NWD2: variants seen among roughly 807,000 people sequenced by gnomAD.
NWD2 encodes NACHT and WD repeat domain-containing protein 2.
NWD2 carries 37 observed loss-of-function variants against 132.7 expected under a neutral mutation model. The observed-to-expected ratio is 0.28, with a 90% CI of 0.21 to 0.37. The LOEUF (loss-of-function observed/expected upper bound fraction) is 0.37. NWD2 is among the 10% of genes least tolerant of loss of function. The pLI, the probability that NWD2 is intolerant of heterozygous loss-of-function variation, is 1.00. For missense variants in NWD2, 1,592 were observed against 2,122.4 expected (o/e 0.75, Z 4.91); for synonymous variants, 705 against 803.0 (o/e 0.88, Z 2.06).
At chr4:37,405,074 T>C (rs1720969884) in intron 3 of NWD2, among the ~76,000 whole-genome samples, 1 of 152,204 alleles carries the variant, frequency 6.6e-6, no homozygotes, top group Non-Finnish European at 1.5e-5. Context: ...CGTACCTTCC[T>C]CTTCACTGAA....
intron 2 of NWD2, among the ~76,000 whole-genome samples, chr4:37,338,505 A>C (rs1302121293): frequency 6.6e-6 from 1 of 152,248 alleles, no homozygotes; most frequent in Admixed American, 6.5e-5. Context: ...CTCTGGTTTA[A>C]ATGGAATAGA....
At chr4:37,412,024 TATC>T (rs1251011950) in intron 3 of NWD2, among the ~76,000 whole-genome samples, 1 of 152,268 alleles carries the variant, frequency 6.6e-6, no homozygotes, top group East Asian at 1.9e-4. Flanking sequence ...CCACAGCCAA[TATC>T]ATACTGAATG....
chr4:37,422,499 A>G (rs1008431400), intron 3 of NWD2, among the ~76,000 whole-genome samples: 13 of 151,888 alleles, frequency 8.6e-5, no homozygotes, highest in Admixed American at 7.9e-4. Flanking sequence ...TCTAGCCTCT[A>G]TTTGTCTTTC....
intron 1 of NWD2, among the ~76,000 whole-genome samples, chr4:37,280,771 G>A (rs1314608763): frequency 3.3e-5 from 5 of 152,118 alleles, no homozygotes; most frequent in Non-Finnish European, 7.4e-5. Flanking sequence ...AATTGTTACC[G>A]CCCCAGGTCC....
chr4:37,333,188 A>G (rs975179114), intron 2 of NWD2, among the ~76,000 whole-genome samples: 3 of 152,202 alleles, frequency 2.0e-5, no homozygotes, highest in African/African-American at 7.2e-5. Context: ...GGAAGGACAC[A>G]AACCTGGCTG....
intron 1 of NWD2, among the ~76,000 whole-genome samples, chr4:37,295,846 G>C (rs1718479078): frequency 2.6e-5 from 4 of 152,176 alleles, no homozygotes; most frequent in Admixed American, 2.6e-4. Flanking sequence ...CACGCTGAAA[G>C]TATATTTCCT....
intron 1 of NWD2, among the ~76,000 whole-genome samples, chr4:37,310,300 A>G (rs971074942): frequency 5.3e-5 from 8 of 152,238 alleles, no homozygotes; most frequent in Non-Finnish European, 8.8e-5. Context: ...ATAGATTTTT[A>G]AATATTTGAT....
intron 2 of NWD2, among the ~76,000 whole-genome samples, chr4:37,346,920 C>T (rs774737746): frequency 7.9e-5 from 12 of 152,192 alleles, no homozygotes; most frequent in Non-Finnish European, 1.6e-4. Flanking sequence ...CACCCTACAA[C>T]CTTACCCAAT....
intron 1 of NWD2, among the ~76,000 whole-genome samples, chr4:37,303,934 T>C (rs775590310): frequency 3.3e-5 from 5 of 152,214 alleles, no homozygotes; most frequent in Non-Finnish European, 5.9e-5. Flanking sequence ...TTATTTTTTA[T>C]CTTGTCTAAT....
chr4:37,419,093 C>T (rs1353505182), intron 3 of NWD2, among the ~76,000 whole-genome samples: 7 of 152,106 alleles, frequency 4.6e-5, no homozygotes, highest in South Asian at 2.1e-4. Flanking sequence ...AGAAATAACA[C>T]CACACATCTA....
intron 1 of NWD2, among the ~76,000 whole-genome samples, chr4:37,305,687 G>A (rs1306072148): frequency 6.6e-6 from 1 of 152,096 alleles, no homozygotes; most frequent in East Asian, 1.9e-4. Flanking sequence ...AGTTGACTGT[G>A]GTATAGAATC....
chr4:37,399,191 CAAGTCTCTCAAGA>C (rs1214738613), intron 3 of NWD2, among the ~76,000 whole-genome samples: 7 of 152,140 alleles, frequency 4.6e-5, no homozygotes, highest in Non-Finnish European at 8.8e-5. Context: ...TTTTCCCACC[CAAGTCTCTCAAGA>C]AATATCTAGA....
Position 37,443,637 on chromosome 4 carries a change from A to G in NWD2, c.1649A>G (p.His550Arg). ...GTCCTTTCCACGCTGCCCAACAAAC[A>G]TGGGATCTTGCAGAAACTAAGGTGC... is the stretch of plus-strand genomic sequence containing the variant. ...RIVLSTLPNK[H>R]GILQKLRCLI... The change falls in exon 7 of 7, where the codon CAT (histidine) becomes CGT (arginine). Residue 550 changes from histidine to arginine, a missense_variant. Physicochemically the swap from His to Arg is conservative, Grantham distance 29. Transcript: ENST00000309447. The surrounding 1 kb of genome is among the most constrained non-coding windows in gnomAD (Gnocchi z 4.1). The G allele has an allele frequency of 1.3e-6, 2 of 1,552,060 alleles. No individual in the cohort carries two copies. Among genetic ancestry groups the G allele is most frequent in the Non-Finnish European group, 1.7e-6 (2 of 1,147,076 alleles).
intron 3 of NWD2, among the ~76,000 whole-genome samples, chr4:37,391,189 C>T (rs757060366): frequency 1.3e-5 from 2 of 152,130 alleles, no homozygotes; most frequent in African/African-American, 4.8e-5. Context: ...AAATCACTTG[C>T]GGCTGTTCAT....
chr4:37,369,017 T>C (rs1720160243), intron 3 of NWD2, among the ~76,000 whole-genome samples: 1 of 152,078 alleles, frequency 6.6e-6, no homozygotes, highest in Admixed American at 6.6e-5. Context: ...AGAGACAGAA[T>C]TGGTAAGAAG....
In NWD2 at chr4:37,444,885, G is replaced by C; in HGVS notation, c.2897G>C (p.Ser966Thr). The C allele has an allele frequency of 6.4e-7, 1 of 1,552,276 alleles. No individual in the cohort carries two copies. The highest frequency in any genetic ancestry group is 1.2e-5 in the South Asian group (1 of 84,056). ...CCAGAGCGTCTTCCCTTATCATCCA[G>C]TCACCTGCATGTCACAGAGATCCTG... is the stretch of plus-strand genomic sequence containing the variant. ...YSPERLPLSS[S>T]HLHVTEILPT... Residue 966 changes from serine (S) to threonine (T), a missense_variant, in exon 7 of 7, where the codon AGT becomes ACT. Physicochemically the swap from Ser to Thr is moderately conservative, Grantham distance 58. Coordinates refer to ENST00000309447, the MANE Select transcript of NWD2 (RefSeq NM_001144990.2). The surrounding 1 kb of genome is among the most constrained non-coding windows in gnomAD (Gnocchi z 4.8).
intron 2 of NWD2, among the ~76,000 whole-genome samples, chr4:37,338,035 C>A (rs1413909143): frequency 6.6e-6 from 1 of 152,158 alleles, no homozygotes; most frequent in Non-Finnish European, 1.5e-5. Context: ...TTTGCACAAG[C>A]TTTTGTTTCT....
intron 3 of NWD2, among the ~76,000 whole-genome samples, chr4:37,386,653 G>A (rs930464165): frequency 1.3e-5 from 2 of 152,112 alleles, no homozygotes; most frequent in African/African-American, 4.8e-5. Flanking sequence ...TATTATATTT[G>A]TTTGTAAACC....
At chr4:37,365,581 T>C (rs1720085486) in intron 3 of NWD2, among the ~76,000 whole-genome samples, 1 of 152,208 alleles carries the variant, frequency 6.6e-6, no homozygotes, top group Non-Finnish European at 1.5e-5. Flanking sequence ...GTTTGTCCAG[T>C]TGAAATCAAC....
Sources: gnomAD v4.1 joint callset for allele counts (sites outside exome capture counted in the v4.1 genomes callset) on GRCh38, gnomAD v4.1.1 for gene constraint, Gnocchi (gnomAD v3.1) non-coding constraint, MANE v1.5 for transcripts, NCBI Gene and HGNC (gene_info 2026-07-23, HGNC 2026-07-21) for gene names.